Variants in HIVEP1 observed in about 807,000 individuals in gnomAD.
The protein encoded by HIVEP1 is zinc finger protein 40.
HIVEP1 carries 36 observed loss-of-function variants against 180.0 expected under a neutral mutation model. The ratio of observed to expected loss-of-function variants is 0.20; its 90% CI spans 0.15 to 0.26. The LOEUF (loss-of-function observed/expected upper bound fraction) is 0.26. Among genes scored for constraint, HIVEP1 ranks in the 10% least tolerant of loss-of-function variants. The pLI, the probability that HIVEP1 is intolerant of heterozygous loss-of-function variation, is 1.00. For synonymous variants in HIVEP1, 1,239 were observed against 1,239.0 expected, an observed-to-expected ratio of 1.00 and a Z score of 0.00; for missense variants, 3,143 against 3,268.7, an observed-to-expected ratio of 0.96 and a Z score of 0.94.
intron 4 of HIVEP1, among the ~76,000 whole-genome samples, chr6:12,129,437 G>T (rs1758285724): frequency 6.6e-6 from 1 of 152,090 alleles, no homozygotes; most frequent in African/African-American, 2.4e-5. Context: ...TTAAATGGAA[G>T]AAAAAATATT....
At chr6:12,085,828 A>G (rs1773082945) in intron 2 of HIVEP1, among the ~76,000 whole-genome samples, 1 of 152,176 alleles carries the variant, frequency 6.6e-6, no homozygotes, top group African/African-American at 2.4e-5. Flanking sequence ...ATTTCTATAA[A>G]TGATTTGTTT....
intron 2 of HIVEP1, among the ~76,000 whole-genome samples, chr6:12,031,121 G>A (rs1198925905): frequency 1.3e-5 from 2 of 152,178 alleles, no homozygotes; most frequent in Non-Finnish European, 2.9e-5. Context: ...AGGTAGATCA[G>A]AGCTTAATTG....
At chr6:12,146,167 G>A (rs564291196) in intron 7 of HIVEP1, among the ~76,000 whole-genome samples, 1 of 152,328 alleles carries the variant, frequency 6.6e-6, no homozygotes, top group South Asian at 2.1e-4. Flanking sequence ...AGTCGGCCGG[G>A]TGCAGTGGCT....
At chr6:12,150,049 A>C (rs911847988) in intron 7 of HIVEP1, among the ~76,000 whole-genome samples, 6 of 152,234 alleles carry the variant, frequency 3.9e-5, no homozygotes, top group African/African-American at 1.4e-4. Flanking sequence ...CCAGCCATTA[A>C]AATGTGGACA....
chr6:12,065,073 T>C (rs1437501816), intron 2 of HIVEP1, among the ~76,000 whole-genome samples: 1 of 152,208 alleles, frequency 6.6e-6, no homozygotes, highest in African/African-American at 2.4e-5. Flanking sequence ...TAAATCATGG[T>C]GGACAAATTG....
intron 3 of HIVEP1, among the ~76,000 whole-genome samples, chr6:12,101,482 C>T (rs546734525): frequency 2.6e-5 from 4 of 152,014 alleles, no homozygotes; most frequent in African/African-American, 9.6e-5. Flanking sequence ...TGCCACATCT[C>T]ACTGGAATTA....
At chr6:12,138,643 G>T (rs535325503) in intron 7 of HIVEP1, among the ~76,000 whole-genome samples, 3 of 152,206 alleles carry the variant, frequency 2.0e-5, no homozygotes, top group African/African-American at 7.2e-5. Context: ...TGCTCACTTT[G>T]TAGGTAGTCT....
At chr6:12,131,191 T>A (rs1463438138) in intron 6 of HIVEP1, among the ~76,000 whole-genome samples, 2 of 151,760 alleles carry the variant, frequency 1.3e-5, no homozygotes, top group African/African-American at 4.8e-5. Context: ...CTGCCCTTTT[T>A]AAAAAACTTA....
downstream of HIVEP1, among the ~76,000 whole-genome samples, chr6:12,168,075 GTA>G (rs1368027762): frequency 1.7e-5 from 1 of 59,930 alleles, no homozygotes; most frequent in Non-Finnish European, 3.1e-5. Context: ...ATATATATGT[GTA>G]TATATACATA....
At chr6:12,047,212 G>A (rs1412247148) in intron 2 of HIVEP1, among the ~76,000 whole-genome samples, 1 of 152,174 alleles carries the variant, frequency 6.6e-6, no homozygotes, top group South Asian at 2.1e-4. Context: ...GCAGTAATTT[G>A]TACATTAAAT....
chr6:12,190,204 C>G, the HIVEP1 span, among the ~76,000 whole-genome samples: 1 of 152,190 alleles, frequency 6.6e-6, no homozygotes, highest in Non-Finnish European at 1.5e-5. Context: ...AATCTTCACT[C>G]TATTTATAAA....
intron 2 of HIVEP1, among the ~76,000 whole-genome samples, chr6:12,083,507 ACT>A (rs1322547166): frequency 6.6e-6 from 1 of 152,104 alleles, no homozygotes; most frequent in Non-Finnish European, 1.5e-5. Context: ...AAGCAAACAG[ACT>A]CTCAGAATAT....
At chr6:12,196,780 C>T in the HIVEP1 span, among the ~76,000 whole-genome samples, 2 of 152,184 alleles carry the variant, frequency 1.3e-5, no homozygotes, top group African/African-American at 4.8e-5. Flanking sequence ...GTGAAGTTGC[C>T]TCACTCGATC....
intron 3 of HIVEP1, among the ~76,000 whole-genome samples, chr6:12,099,980 G>C (rs1435201422): frequency 6.6e-6 from 1 of 152,204 alleles, no homozygotes; most frequent in African/African-American, 2.4e-5. Context: ...AGCTCCAAAT[G>C]AATCCTTTCT....
chr6:12,118,526 G>A (rs1314135146), intron 3 of HIVEP1, among the ~76,000 whole-genome samples: 1 of 152,150 alleles, frequency 6.6e-6, no homozygotes, highest in African/African-American at 2.4e-5. Context: ...CTTAAATACT[G>A]ATTTATTTCC....
At chr6:12,087,083 T>C (rs1235899483) in intron 2 of HIVEP1, among the ~76,000 whole-genome samples, 1 of 152,112 alleles carries the variant, frequency 6.6e-6, no homozygotes, top group African/African-American at 2.4e-5. Flanking sequence ...GTAGAAGCAT[T>C]TGAGGAGGTA....
chr6:12,181,219 G>A, the HIVEP1 span, among the ~76,000 whole-genome samples: 2 of 151,888 alleles, frequency 1.3e-5, no homozygotes, highest in East Asian at 3.9e-4. Context: ...AATTAGCCGG[G>A]CATGGTGGCA....
At chr6:12,172,650 T>C in the HIVEP1 span, among the ~76,000 whole-genome samples, 1 of 152,212 alleles carries the variant, frequency 6.6e-6, no homozygotes, top group African/African-American at 2.4e-5. Context: ...AACTCACATT[T>C]TATATAGTGC....
At chr6:12,050,279 G>A (rs1770412306) in intron 2 of HIVEP1, among the ~76,000 whole-genome samples, 1 of 152,100 alleles carries the variant, frequency 6.6e-6, no homozygotes, top group East Asian at 1.9e-4. Context: ...GCCACACATG[G>A]GCACTGTAAA....
Sources: gnomAD v4.1 joint callset for allele counts (sites outside exome capture counted in the v4.1 genomes callset) on GRCh38, gnomAD v4.1.1 for gene constraint, MANE v1.5 for transcripts, NCBI Gene and HGNC (gene_info 2026-07-23, HGNC 2026-07-21) for gene names.